Variants in GNB1 observed in about 807,000 individuals in gnomAD.
The protein encoded by GNB1 is G protein subunit beta 1, also known as guanine nucleotide-binding protein G(I)/G(S)/G(T) subunit beta-1.
A neutral mutation model predicts 42.9 loss-of-function variants in GNB1; 2 were observed. The observed-to-expected ratio is 0.05, with a 90% CI of 0.02 to 0.15. The LOEUF (loss-of-function observed/expected upper bound fraction) is 0.15. Ranked by LOEUF, GNB1 falls within the 10% of genes least tolerant of loss-of-function variation. The pLI is 1.00. For missense variants in GNB1, 193 were observed against 462.2 expected (o/e 0.42, Z 5.34); for synonymous variants, 183 against 174.7 (o/e 1.05, Z -0.38).
chr1:1,837,176 TAAAAACTGTTTGCTTAATTCA>T (rs1396077570), intron 2 of GNB1, among the ~76,000 whole-genome samples: 2 of 152,086 alleles, frequency 1.3e-5, no homozygotes, highest in Non-Finnish European at 2.9e-5. Flanking sequence ...ATCTCACATC[TAAAAACTGTTTGCTTAATTCA>T]AAATCTCATT....
intron 5 of GNB1, among the ~76,000 whole-genome samples, chr1:1,812,407 T>TACAC (rs4012956): frequency 0.03 from 4,384 of 146,250 alleles, 84 homozygotes; most frequent in East Asian, 0.075. Context: ...CACACATACA[T>TACAC]ACACACACAC....
chr1:1,879,695 ACT>A (rs764862626), intron 1 of GNB1, among the ~76,000 whole-genome samples: 17 of 147,566 alleles, frequency 1.2e-4, no homozygotes, highest in African/African-American at 1.8e-4. Context: ...ACAGAGTGAG[ACT>A]CTGTCTCAGG....
At chr1:1,877,818 T>C (rs527726189) in intron 1 of GNB1, among the ~76,000 whole-genome samples, 5 of 152,164 alleles carry the variant, frequency 3.3e-5, no homozygotes, top group African/African-American at 1.2e-4. Flanking sequence ...GTGGCTAGAA[T>C]AGATAGCAAG....
At chr1:1,852,698 A>G (rs1293982413) in intron 1 of GNB1, among the ~76,000 whole-genome samples, 1 of 151,858 alleles carries the variant, frequency 6.6e-6, no homozygotes, top group Non-Finnish European at 1.5e-5. Flanking sequence ...AAAAAAAAAA[A>G]AAGTGAATGT....
In GNB1 at chr1:1,810,723, A is replaced by G. The variant is rs1042460333; in HGVS notation, c.204-4185T>C. 4.6e-5 allele frequency among the ~76,000 whole-genome samples: 7 copies of G among 151,724 alleles called. No individual in the cohort carries two copies. In the East Asian group the frequency reaches 1.4e-3, roughly 30 times the overall value. The stretch of plus-strand genomic sequence containing the variant: ...CACTCTGTCACCCAGGTTGGAGTGC[A>G]GTGGTGCAATCTTGGCTCACTGCAA... On this transcript the variant is annotated intron_variant, in intron 5 of 11. Transcript: ENST00000378609.
chr1:1,799,905 GA>G (rs1478953692), intron 7 of GNB1, among the ~76,000 whole-genome samples: 1 of 152,176 alleles, frequency 6.6e-6, no homozygotes, highest in Admixed American at 6.6e-5. Context: ...CACAGAAAGG[GA>G]GTCCCAAACT....
At chr1:1,789,815 C>T (rs1646458982) in intron 9 of GNB1, among the ~76,000 whole-genome samples, 1 of 152,072 alleles carries the variant, frequency 6.6e-6, no homozygotes, top group Non-Finnish European at 1.5e-5. Context: ...ATTACTGTCC[C>T]CAAAGAGTAG....
At chr1:1,875,674 CCT>C (rs2101825686) in intron 1 of GNB1, among the ~76,000 whole-genome samples, 1 of 152,236 alleles carries the variant, frequency 6.6e-6, no homozygotes, top group South Asian at 2.1e-4. Flanking sequence ...GCATCCGGCC[CCT>C]TTTTCTATGT....
At chr1:1,885,868 T>TAA (rs79504690) in intron 1 of GNB1, among the ~76,000 whole-genome samples, 23 of 130,288 alleles carry the variant, frequency 1.8e-4, no homozygotes, top group Admixed American at 5.3e-4. Flanking sequence ...CACTTAATCT[T>TAA]AAAAAAAAAA....
At chr1:1,852,099 T>C (rs1648017233) in intron 1 of GNB1, among the ~76,000 whole-genome samples, 1 of 149,556 alleles carries the variant, frequency 6.7e-6, no homozygotes, top group South Asian at 2.1e-4. Flanking sequence ...ATCAACATAT[T>C]GTGGTTGAAT....
Position 1,877,298 on chromosome 1 carries a change from CAA to C in GNB1, c.-96+13520_-96+13521del, listed in dbSNP as rs67155402. On this transcript the variant is annotated intron_variant, in intron 1 of 11. Transcript: ENST00000378609. ...CTGGGCAATAAGTGAGACTCTGTCTCAAAAAAAAAAAAAAAAAAATATATATA... is the reference window on the plus strand; with the variant it reads ...CTGGGCAATAAGTGAGACTCTGTCTCAAAAAAAAAAAAAAAAATATATATA... Among the ~76,000 whole-genome samples the C allele has an allele frequency of 6.8e-3, 845 of 124,682 alleles. 10 individuals are homozygous for C. The highest frequency in any genetic ancestry group is 0.022 in the African/African-American group (802 of 36,364). 81.8% of individuals were successfully genotyped at this position (124,682 alleles called of 152,430 possible).
At chr1:1,804,397 G>A (rs1161234506) in intron 7 of GNB1, 22 bp downstream of exon 7, 2 of 1,590,982 alleles carry the variant, frequency 1.3e-6, no homozygotes, top group Non-Finnish European at 1.7e-6. Flanking sequence ...GTCACTTGAA[G>A]CTTATGAACA....
intron 1 of GNB1, among the ~76,000 whole-genome samples, chr1:1,890,169 G>A (rs1280050498): frequency 1.3e-5 from 2 of 152,128 alleles, no homozygotes; most frequent in African/African-American, 2.4e-5. Context: ...GGAGAAGGGC[G>A]AGGCCACAGC....
At chr1:1,881,512 T>C (rs2101889286) in intron 1 of GNB1, among the ~76,000 whole-genome samples, 1 of 152,144 alleles carries the variant, frequency 6.6e-6, no homozygotes, top group Non-Finnish European at 1.5e-5. Context: ...CAAGTGATCC[T>C]TGTGCCTCAG....
chr1:1,847,086 T>C (rs1226363012), intron 1 of GNB1, among the ~76,000 whole-genome samples: 1 of 152,060 alleles, frequency 6.6e-6, no homozygotes, highest in Non-Finnish European at 1.5e-5. Flanking sequence ...TGGAAAAAAC[T>C]GCCACAAAGG....
At position 1,789,166 on chromosome 1, in the gene GNB1, T is replaced by C. The variant is rs757342463; in HGVS notation, c.803A>G (p.Asn268Ser). Residue 268 changes from asparagine to serine, a missense_variant, in exon 10 of 12, where the codon AAC (asparagine) becomes AGC (serine). This residue lies in a region of GNB1 where 150 missense variants were observed against 410.8 expected (regional missense o/e 0.37). Coordinates refer to ENST00000378609, the MANE Select transcript of GNB1 (RefSeq NM_002074.5). ...DQELMTYSHDNIICGITSVSF... is the reference protein window; with the variant it reads ...DQELMTYSHDSIICGITSVSF... The stretch of plus-strand genomic sequence containing the variant: ...GACAGAGGTGATCCCGCAGATGATG[T>C]TGTCATGGGAGTAAGTCATGAGCTC... 1.2e-6 allele frequency: 2 copies of C among 1,613,990 alleles called. No individual in the cohort carries two copies. The highest frequency in any genetic ancestry group is 1.1e-5 in the South Asian group (1 of 91,072).
Position 1,807,534 on chromosome 1 carries a change from A to G in GNB1, c.204-996T>C, listed in dbSNP as rs61774984. Among the ~76,000 whole-genome samples, 1,005 of 149,598 alleles carry G rather than the reference A, an allele frequency of 6.7e-3. 2 individuals carry two copies. Among genetic ancestry groups the G allele is most frequent in the Non-Finnish European group, 0.012 (813 of 67,604 alleles). On this transcript the variant is annotated intron_variant, in intron 5 of 11. Transcript: ENST00000378609. ...AACCACTTTTAGACATTCCAAATTC[A>G]TGAAACATTTCTCACCCAAAATACC...
At chr1:1,869,717 GA>G (rs1263519368) in intron 1 of GNB1, among the ~76,000 whole-genome samples, 1 of 152,198 alleles carries the variant, frequency 6.6e-6, no homozygotes, top group African/African-American at 2.4e-5. Context: ...AACCCCGAAA[GA>G]AAGTCTCTGA....
chr1:1,842,114 C>T (rs1393835013), intron 1 of GNB1, among the ~76,000 whole-genome samples: 2 of 151,736 alleles, frequency 1.3e-5, no homozygotes, highest in African/African-American at 4.8e-5. Flanking sequence ...TCAAGACCAA[C>T]CTGGCCACCT....
Sources: gnomAD v4.1 joint callset for allele counts (sites outside exome capture counted in the v4.1 genomes callset) on GRCh38, gnomAD v4.1.1 for gene constraint, gnomAD v4.1.1 regional missense constraint, MANE v1.5 for transcripts, NCBI Gene and HGNC (gene_info 2026-07-23, HGNC 2026-07-21) for gene names.